RBFOX1: variants seen among roughly 807,000 people sequenced by gnomAD.
RBFOX1 encodes the protein RNA binding fox-1 homolog 1.
In RBFOX1, 8 loss-of-function variants were observed where a neutral mutation model predicts 57.7. That is an observed-to-expected ratio of 0.14 (90% CI 0.08 to 0.25). The LOEUF is 0.25. Ranked by LOEUF, RBFOX1 falls within the 10% of genes least tolerant of loss-of-function variation. RBFOX1 has a pLI of 1.00. For missense variants in RBFOX1, 611 were observed against 548.5 expected (o/e 1.11, Z -1.14); for synonymous variants, 326 against 222.4 (o/e 1.47, Z -4.15).
At chr16:6,908,194 T>C (rs116915918) in intron 3 of RBFOX1, among the ~76,000 whole-genome samples, 3,770 of 151,800 alleles carry the variant, frequency 0.025, 149 homozygotes, top group Non-Finnish European at 0.036. Flanking sequence ...CAGTTCAGAT[T>C]ATTACCTCTG....
At chr16:6,463,877 C>T (rs752886055) in intron 2 of RBFOX1, among the ~76,000 whole-genome samples, 1 of 152,126 alleles carries the variant, frequency 6.6e-6, no homozygotes, top group Non-Finnish European at 1.5e-5. Context: ...TCGCGCCCAC[C>T]ATGACCTAGG....
At chr16:6,321,827 G>A (rs572808720) in intron 2 of RBFOX1, among the ~76,000 whole-genome samples, 134 of 152,272 alleles carry the variant, frequency 8.8e-4, no homozygotes, top group African/African-American at 3.2e-3. Flanking sequence ...TATTTCCTCA[G>A]TATTCGTCTT....
chr16:5,889,927 G>A (rs577673360), intron 4 of RBFOX1, among the ~76,000 whole-genome samples: 2 of 152,340 alleles, frequency 1.3e-5, no homozygotes, highest in African/African-American at 4.8e-5. Flanking sequence ...GGCAGAGGAC[G>A]AAGACTGGGC....
chr16:6,587,001 C>T (rs2153983165), intron 2 of RBFOX1, among the ~76,000 whole-genome samples: 1 of 151,476 alleles, frequency 6.6e-6, no homozygotes, highest in South Asian at 2.1e-4. Context: ...GCATTACTTC[C>T]CCTGTTTATT....
At chr16:6,844,268 C>T (rs778029565) in intron 3 of RBFOX1, among the ~76,000 whole-genome samples, 25 of 151,910 alleles carry the variant, frequency 1.6e-4, no homozygotes, top group African/African-American at 5.1e-4. Context: ...AAATAGGTAC[C>T]ATGGCAGTTT....
chr16:7,502,661 C>A (rs560803810), intron 4 of RBFOX1, among the ~76,000 whole-genome samples: 12 of 151,974 alleles, frequency 7.9e-5, no homozygotes, highest in African/African-American at 2.4e-4. Context: ...TAGTTACATA[C>A]GTATACATGT....
chr16:6,690,333 C>G (rs2070999430), intron 3 of RBFOX1, among the ~76,000 whole-genome samples: 1 of 151,932 alleles, frequency 6.6e-6, no homozygotes, highest in Non-Finnish European at 1.5e-5. Flanking sequence ...ATAACATCAC[C>G]TATGCAATAT....
At chr16:6,522,332 T>C (rs1204292141) in intron 2 of RBFOX1, among the ~76,000 whole-genome samples, 2 of 152,144 alleles carry the variant, frequency 1.3e-5, no homozygotes, top group Non-Finnish European at 2.9e-5. Context: ...AGAGATGATA[T>C]TTGTTAAAAT....
intron 2 of RBFOX1, among the ~76,000 whole-genome samples, chr16:6,457,839 C>A (rs1346545686): frequency 6.6e-6 from 1 of 151,990 alleles, no homozygotes; most frequent in Admixed American, 6.6e-5. Context: ...AAATTCAGCG[C>A]CTTGGAATAA....
Position 6,274,186 on chromosome 16 carries a change from A to G in RBFOX1, c.-126-42809A>G, listed in dbSNP as rs367974881. Among the ~76,000 whole-genome samples, 12 of 152,302 alleles carry G rather than the reference A, an allele frequency of 7.9e-5. No homozygotes were observed. In the East Asian group the frequency reaches 1.4e-3, roughly 17 times the overall value. ...ACACGCAGTTATCAGATAACCTAGT[A>G]ATTGCCTTCCTGGGCATTTATTCCA... On this transcript the variant is annotated intron_variant, in intron 1 of 15. Coordinates refer to ENST00000550418, the MANE Select transcript of RBFOX1 (RefSeq NM_018723.4).
At chr16:7,235,659 C>G (rs994726986) in intron 4 of RBFOX1, among the ~76,000 whole-genome samples, 6 of 152,210 alleles carry the variant, frequency 3.9e-5, no homozygotes, top group Non-Finnish European at 5.9e-5. Context: ...TGATGCCTCC[C>G]TCTGCCATGA....
intron 4 of RBFOX1, among the ~76,000 whole-genome samples, chr16:5,976,828 C>T (rs1485782575): frequency 6.6e-6 from 1 of 152,142 alleles, no homozygotes; most frequent in Non-Finnish European, 1.5e-5. Context: ...AAAATCATGC[C>T]ACTGCACTTC....
chr16:7,553,709 GTGT>G, intron 5 of RBFOX1, among the ~76,000 whole-genome samples: 1 of 152,310 alleles, frequency 6.6e-6, no homozygotes, highest in East Asian at 1.9e-4. Flanking sequence ...CTACAAGGGA[GTGT>G]TTACTGTAGG....
At chr16:7,582,225 A>G (rs1236123228) in intron 6 of RBFOX1, among the ~76,000 whole-genome samples, 3 of 152,160 alleles carry the variant, frequency 2.0e-5, no homozygotes, top group African/African-American at 7.2e-5. Flanking sequence ...CAAGATGTCA[A>G]TTTGGCAAGA....
In RBFOX1 at chr16:6,919,545, C is replaced by G. The variant is rs925735029; in HGVS notation, c.-15-132512C>G. On this transcript the variant is annotated intron_variant, in intron 3 of 15. Transcript: ENST00000550418. ...AATCCCAAGAGAGATCCAGAACCTA[C>G]TCTCTTAGACATTTCTCCACTTCCT... Among the ~76,000 whole-genome samples the G allele has an allele frequency of 3.3e-5, 5 of 151,982 alleles. 1 individual carries two copies. The highest frequency in any genetic ancestry group is 7.4e-5 in the Non-Finnish European group (5 of 68,000).
intron 1 of RBFOX1, among the ~76,000 whole-genome samples, chr16:5,397,627 G>A (rs80168920): frequency 6.6e-6 from 1 of 152,268 alleles, no homozygotes. Flanking sequence ...ATAGATGAAA[G>A]GCATGAAGAA....
chr16:5,798,722 C>CT (rs2054962774), intron 3 of RBFOX1, among the ~76,000 whole-genome samples: 1 of 152,226 alleles, frequency 6.6e-6, no homozygotes, highest in Admixed American at 6.5e-5. Flanking sequence ...ACTCGTTCCA[C>CT]TTTGTTCGTT....
intron 3 of RBFOX1, among the ~76,000 whole-genome samples, chr16:5,682,958 T>G (rs1003840533): frequency 1.4e-4 from 21 of 152,218 alleles, no homozygotes; most frequent in African/African-American, 3.9e-4. Context: ...GCCTCTTGCT[T>G]GAATTGATAC....
intron 3 of RBFOX1, among the ~76,000 whole-genome samples, chr16:5,751,586 G>T (rs1167741264): frequency 6.6e-6 from 1 of 152,158 alleles, no homozygotes; most frequent in Non-Finnish European, 1.5e-5. Flanking sequence ...GGGCAAGGAA[G>T]CCACCTAAAG....
Sources: gnomAD v4.1 joint callset for allele counts (sites outside exome capture counted in the v4.1 genomes callset) on GRCh38, gnomAD v4.1.1 for gene constraint, MANE v1.5 for transcripts, NCBI Gene and HGNC (gene_info 2026-07-23, HGNC 2026-07-21) for gene names.